NOL10: variants seen among roughly 807,000 people sequenced by gnomAD.
NOL10 encodes the protein H_NH0074G24.1.
A neutral mutation model predicts 103.5 loss-of-function variants in NOL10; 58 were observed. The ratio of observed to expected loss-of-function variants is 0.56; its 90% CI spans 0.45 to 0.70. NOL10 has a LOEUF of 0.70. NOL10 is among the 30% of genes least tolerant of loss of function. The pLI, the probability that NOL10 is intolerant of heterozygous loss-of-function variation, is 0.00. For synonymous variants in NOL10, 287 were observed against 282.5 expected, an observed-to-expected ratio of 1.02 and a Z score of -0.16; for missense variants, 763 against 807.3, an observed-to-expected ratio of 0.95 and a Z score of 0.67.
chr2:10,612,623 C>T (rs1156660751), intron 13 of NOL10, among the ~76,000 whole-genome samples: 1 of 152,130 alleles, frequency 6.6e-6, no homozygotes, highest in Non-Finnish European at 1.5e-5. Flanking sequence ...ATACCTCAGC[C>T]TCCTGAGTAG....
At chr2:10,628,329 T>C (rs548479065) in intron 13 of NOL10, among the ~76,000 whole-genome samples, 22 of 152,286 alleles carry the variant, frequency 1.4e-4, no homozygotes, top group Admixed American at 1.2e-3. Flanking sequence ...TGTGCTATCC[T>C]GACATTCTCG....
intron 11 of NOL10, among the ~76,000 whole-genome samples, chr2:10,655,401 G>A (rs1248527198): frequency 1.3e-5 from 2 of 152,198 alleles, no homozygotes; most frequent in Admixed American, 6.5e-5. Context: ...GCAAGGTTTC[G>A]AGGAGGATCA....
In NOL10 at chr2:10,571,526, T is replaced by A. The variant is rs1452950552; in HGVS notation, c.*545A>T. 2.0e-5 allele frequency: 3 copies of A among 152,748 alleles called. No homozygotes were observed. The highest frequency in any genetic ancestry group is 7.2e-5 in the African/African-American group (3 of 41,460). The allele number at this position is 152,748 out of a possible 1,614,324, so 9.5% of individuals were successfully genotyped here. On this transcript the variant is annotated 3_prime_UTR_variant, in exon 21 of 21. Transcript: ENST00000381685. Reference sequence around the variant, plus strand: ...ATGCTCTCAACCTGCACCATTAGATTATACTCTCTTGGTATAAATTATTTA... The same window carrying A: ...ATGCTCTCAACCTGCACCATTAGATAATACTCTCTTGGTATAAATTATTTA...
At chr2:10,683,914 T>A (rs999600175) in intron 2 of NOL10, among the ~76,000 whole-genome samples, 5 of 152,058 alleles carry the variant, frequency 3.3e-5, no homozygotes, top group African/African-American at 1.2e-4. Context: ...GGCTAACTTA[T>A]TAGTTAATAA....
chr2:10,593,015 T>A (rs1337002479), intron 17 of NOL10, among the ~76,000 whole-genome samples: 1 of 152,234 alleles, frequency 6.6e-6, no homozygotes, highest in Non-Finnish European at 1.5e-5. Context: ...GTACTATTCA[T>A]ACCACAGTCC....
Position 10,638,489 on chromosome 2 carries a change from T to C in NOL10, c.1026+5831A>G, listed in dbSNP as rs1204357354. On this transcript the variant is annotated intron_variant, in intron 13 of 20. Coordinates refer to ENST00000381685, the MANE Select transcript of NOL10 (RefSeq NM_024894.4). ...ACCCTTATAGCTGAATTCCCTTTTT[T>C]TTTTTTTTTTTTTTTTTTTTGAGAT... Among the ~76,000 whole-genome samples the C allele has an allele frequency of 8.5e-5, 4 of 47,194 alleles. No homozygotes were observed. In the South Asian group the frequency reaches 1.8e-3, roughly 22 times the overall value. The allele number at this position is 47,194 out of a possible 152,430, so 31.0% of individuals were successfully genotyped here.
chr2:10,627,531 C>A (rs1031207538), intron 13 of NOL10, among the ~76,000 whole-genome samples: 2 of 151,800 alleles, frequency 1.3e-5, no homozygotes, highest in Non-Finnish European at 2.9e-5. Context: ...AAAAATTAGT[C>A]GGGCGTGGTG....
intron 2 of NOL10, among the ~76,000 whole-genome samples, chr2:10,683,907 T>G (rs547116333): frequency 1.3e-5 from 2 of 152,278 alleles, no homozygotes; most frequent in African/African-American, 4.8e-5. Flanking sequence ...GGTAACAGGC[T>G]AACTTATTAG....
intron 1 of NOL10, among the ~76,000 whole-genome samples, chr2:10,685,642 G>A (rs1032908669): frequency 1.3e-5 from 2 of 152,008 alleles, no homozygotes; most frequent in African/African-American, 2.4e-5. Flanking sequence ...AATAAAAATC[G>A]TAGCCCCAAG....
At chr2:10,573,145 C>T (rs58932234) in intron 20 of NOL10, among the ~76,000 whole-genome samples, 29,820 of 151,560 alleles carry the variant, frequency 0.2, 3,723 homozygotes, top group East Asian at 0.43. Flanking sequence ...GTTGATAAAG[C>T]GGAAAAGCAC....
intron 19 of NOL10, among the ~76,000 whole-genome samples, chr2:10,579,217 G>A (rs1364539055): frequency 6.6e-6 from 1 of 152,144 alleles, no homozygotes; most frequent in Non-Finnish European, 1.5e-5. Flanking sequence ...GCATAAAAGT[G>A]GCACTCTTTT....
chr2:10,623,998 C>T (rs928131144), intron 13 of NOL10, among the ~76,000 whole-genome samples: 1 of 152,130 alleles, frequency 6.6e-6, no homozygotes, highest in Non-Finnish European at 1.5e-5. Flanking sequence ...TTGGGGACTT[C>T]CCTTTGCCAT....
At chr2:10,680,120 TAC>T (rs1353247751) in intron 3 of NOL10, among the ~76,000 whole-genome samples, 8 of 151,634 alleles carry the variant, frequency 5.3e-5, no homozygotes, top group Non-Finnish European at 1.0e-4. Context: ...ACTAAAAAAA[TAC>T]AGACATTAGC....
At chr2:10,664,410 C>CAA (rs149185887) in intron 8 of NOL10, among the ~76,000 whole-genome samples, 3 of 148,828 alleles carry the variant, frequency 2.0e-5, no homozygotes, top group East Asian at 2.0e-4. Flanking sequence ...AAGACTGTCT[C>CAA]AAAAAAAAAC....
intron 19 of NOL10, among the ~76,000 whole-genome samples, chr2:10,586,112 G>A (rs1675010801): frequency 6.6e-6 from 1 of 152,236 alleles, no homozygotes; most frequent in Non-Finnish European, 1.5e-5. Flanking sequence ...CTCAGGATGG[G>A]AGATGGGGTA....
At chr2:10,616,070 C>A (rs1458592050) in intron 13 of NOL10, among the ~76,000 whole-genome samples, 1 of 152,108 alleles carries the variant, frequency 6.6e-6, no homozygotes, top group Non-Finnish European at 1.5e-5. Flanking sequence ...CCAGCCCAAA[C>A]CCCTAACACC....
At chr2:10,599,291 C>T (rs917973303) in intron 17 of NOL10, among the ~76,000 whole-genome samples, 6 of 152,182 alleles carry the variant, frequency 3.9e-5, no homozygotes, top group Admixed American at 3.3e-4. Flanking sequence ...TCTACTGAAG[C>T]CTTAGGGCAT....
intron 20 of NOL10, among the ~76,000 whole-genome samples, chr2:10,574,119 G>A (rs539533538): frequency 6.6e-5 from 10 of 152,204 alleles, no homozygotes; most frequent in Admixed American, 5.2e-4. Context: ...ATTTTTACCC[G>A]CTGTCTCTCT....
In NOL10 at chr2:10,681,964, T is replaced by C. The variant is rs765371525; in HGVS notation, c.211+7A>G. The C allele has an allele frequency of 1.5e-6, 2 of 1,324,280 alleles. No individual in the cohort carries two copies. The highest frequency in any genetic ancestry group is 1.5e-5 in the African/African-American group (1 of 66,900). 82.0% of individuals were successfully genotyped at this position (1,324,280 alleles called of 1,614,324 possible). ...TGCATGAAAATCATAACCAAAAAGA[T>C]GCTTACCAGTTGCTAAAATGTACTG... is the stretch of plus-strand genomic sequence containing the variant. On this transcript the variant is annotated splice_region_variant and intron_variant, in intron 3 of 20. Transcript: ENST00000381685.
Sources: allele counts gnomAD v4.1 joint callset (sites outside exome capture counted in the v4.1 genomes callset), GRCh38; gene constraint gnomAD v4.1.1; transcripts MANE v1.5; gene names NCBI Gene and HGNC (gene_info 2026-07-23, HGNC 2026-07-21).